CDK14: variants seen among roughly 807,000 people sequenced by gnomAD.
The protein encoded by CDK14 is cyclin-dependent kinase 14.
In CDK14, 34 loss-of-function variants were observed where a neutral mutation model predicts 60.7. That is an observed-to-expected ratio of 0.56 (90% CI 0.43 to 0.75). The LOEUF (loss-of-function observed/expected upper bound fraction) is 0.75. CDK14 is among the 30% of genes least tolerant of loss of function. The pLI is 0.00. For synonymous variants in CDK14, 197 were observed against 203.7 expected (o/e 0.97, Z 0.28); for missense variants, 482 against 564.1 (o/e 0.85, Z 1.47).
intron 5 of CDK14, among the ~76,000 whole-genome samples, chr7:90,857,421 A>G (rs1346100034): frequency 6.6e-6 from 1 of 152,140 alleles, no homozygotes; most frequent in Non-Finnish European, 1.5e-5. Flanking sequence ...CTGTTTTTGT[A>G]TAGTTTTGAC....
chr7:90,667,973 A>G (rs1801020216), intron 2 of CDK14, among the ~76,000 whole-genome samples: 1 of 152,192 alleles, frequency 6.6e-6, no homozygotes. Flanking sequence ...CTTTTTGGCT[A>G]TTATGAATAA....
chr7:91,105,950 C>G (rs932158002), intron 12 of CDK14, among the ~76,000 whole-genome samples: 1 of 151,978 alleles, frequency 6.6e-6, no homozygotes, highest in African/African-American at 2.4e-5. Flanking sequence ...TTGAACTGAG[C>G]GATGGCTCTG....
chr7:90,908,388 C>T (rs1156857610), intron 7 of CDK14, among the ~76,000 whole-genome samples: 3 of 152,116 alleles, frequency 2.0e-5, no homozygotes, highest in African/African-American at 4.8e-5. Context: ...TTAAACAGTA[C>T]ACTCTTTCCT....
intron 8 of CDK14, among the ~76,000 whole-genome samples, chr7:90,945,141 T>A (rs181223859): frequency 2.6e-5 from 4 of 152,310 alleles, no homozygotes; most frequent in Admixed American, 2.0e-4. Flanking sequence ...TCCTTGGAAT[T>A]TGGACTTCAG....
At position 90,764,684 on chromosome 7, in the gene CDK14, A is replaced by C. The variant is rs188259023; in HGVS notation, c.464+16909A>C. ...GACTTTTTTTTATGCTTAATGGTTGATTCTTGAGCAAATATGTTTTCCCTT... is the reference window on the plus strand; with the variant it reads ...GACTTTTTTTTATGCTTAATGGTTGCTTCTTGAGCAAATATGTTTTCCCTT... On this transcript the variant is annotated intron_variant, in intron 4 of 14. Transcript: ENST00000380050. Among the ~76,000 whole-genome samples the C allele has an allele frequency of 6.7e-4, 102 of 152,272 alleles. No individual in the cohort carries two copies. In the Middle Eastern group the frequency reaches 0.014, roughly 20 times the overall value.
At chr7:91,092,656 T>C (rs1798865160) in intron 12 of CDK14, among the ~76,000 whole-genome samples, 1 of 152,198 alleles carries the variant, frequency 6.6e-6, no homozygotes, top group Admixed American at 6.5e-5. Flanking sequence ...AGAAGTACTT[T>C]AGGCTGTTTG....
intron 2 of CDK14, among the ~76,000 whole-genome samples, chr7:90,697,213 T>C (rs1801678061): frequency 6.6e-6 from 1 of 152,192 alleles, no homozygotes; most frequent in Non-Finnish European, 1.5e-5. Context: ...ACTTTGGAAA[T>C]AATGATAGTT....
intron 5 of CDK14, among the ~76,000 whole-genome samples, chr7:90,827,274 A>G (rs560932591): frequency 1.3e-5 from 2 of 152,290 alleles, no homozygotes; most frequent in South Asian, 4.1e-4. Context: ...CTTTTTGTGA[A>G]TTGATATCTC....
intron 11 of CDK14, among the ~76,000 whole-genome samples, chr7:91,049,526 T>G (rs1797331709): frequency 6.6e-6 from 1 of 152,170 alleles, no homozygotes; most frequent in African/African-American, 2.4e-5. Context: ...CTGACCACAA[T>G]TTTTTTAAAG....
chr7:91,096,065 CAAAAAAAAAAAAA>C (rs112016367), intron 12 of CDK14, among the ~76,000 whole-genome samples: 3 of 64,556 alleles, frequency 4.6e-5, no homozygotes, highest in East Asian at 1.1e-3. Flanking sequence ...CACAATTTGC[CAAAAAAAAAAAAA>C]AAAAAAAAAA....
At chr7:91,176,072 C>T (rs1484308064) in intron 14 of CDK14, among the ~76,000 whole-genome samples, 1 of 151,760 alleles carries the variant, frequency 6.6e-6, no homozygotes, top group East Asian at 1.9e-4. Flanking sequence ...AAGCTCTCCT[C>T]AGCAAATGTA....
intron 4 of CDK14, among the ~76,000 whole-genome samples, chr7:90,760,754 G>A (rs143454863): frequency 0.013 from 1,950 of 152,278 alleles, 58 homozygotes; most frequent in African/African-American, 0.045. Context: ...GCATTACAAT[G>A]TATAACAGGA....
At position 90,612,314 on chromosome 7, in the gene CDK14, CAA is replaced by C. The variant is rs1799556644; in HGVS notation, c.123+8067_123+8068del. ...TTTCTTGTCATAGTACTCCCCTGTT[CAA>C]AGATTCATGCATCAAATGACGTTTG... On this transcript the variant is annotated intron_variant, in intron 2 of 14. Coordinates refer to ENST00000380050, the MANE Select transcript of CDK14 (RefSeq NM_001287135.2). Among the ~76,000 whole-genome samples the C allele has an allele frequency of 2.0e-5, 3 of 152,220 alleles. No homozygotes were observed. In the South Asian group the frequency reaches 6.2e-4, roughly 32 times the overall value.
intron 10 of CDK14, among the ~76,000 whole-genome samples, chr7:90,985,181 G>C (rs1037472026): frequency 5.9e-5 from 9 of 152,062 alleles, no homozygotes; most frequent in Non-Finnish European, 1.3e-4. Context: ...AAAATTAAAA[G>C]CTTATTTAAA....
At chr7:91,045,355 A>G (rs940775770) in intron 10 of CDK14, among the ~76,000 whole-genome samples, 7 of 152,246 alleles carry the variant, frequency 4.6e-5, no homozygotes, top group Non-Finnish European at 1.0e-4. Context: ...TAGAAAGAAC[A>G]TTATTTTGGC....
At chr7:90,641,440 A>G (rs1465080486) in intron 2 of CDK14, among the ~76,000 whole-genome samples, 5 of 152,218 alleles carry the variant, frequency 3.3e-5, no homozygotes, top group Non-Finnish European at 2.9e-5. Context: ...TTATTCATTA[A>G]TAGACAGAAA....
intron 10 of CDK14, among the ~76,000 whole-genome samples, chr7:91,010,097 C>T (rs1474943611): frequency 6.6e-6 from 1 of 151,974 alleles, no homozygotes; most frequent in African/African-American, 2.4e-5. Context: ...GTCAGTTGGC[C>T]ATGTGTGTAT....
chr7:90,681,526 A>G (rs1270274668), intron 2 of CDK14, among the ~76,000 whole-genome samples: 1 of 152,060 alleles, frequency 6.6e-6, no homozygotes, highest in Non-Finnish European at 1.5e-5. Flanking sequence ...ATGCCTGTGC[A>G]CTCACTGCTG....
chr7:91,027,922 C>CCTCCCCTCCG (rs1366450018), intron 10 of CDK14, among the ~76,000 whole-genome samples: 1 of 52,198 alleles, frequency 1.9e-5, no homozygotes, highest in Non-Finnish European at 3.6e-5. Context: ...CCTCCCCTCC[C>CCTCCCCTCCG]CTCCCCTCCG....
Sources: allele counts gnomAD v4.1 joint callset (sites outside exome capture counted in the v4.1 genomes callset), GRCh38; gene constraint gnomAD v4.1.1; transcripts MANE v1.5; gene names NCBI Gene and HGNC (gene_info 2026-07-23, HGNC 2026-07-21).